Variants in NTN1 observed in about 807,000 individuals in gnomAD.
The protein encoded by NTN1 is netrin 1.
NTN1 carries 11 observed loss-of-function variants against 54.2 expected under a neutral mutation model. That is an observed-to-expected ratio of 0.20 (90% CI 0.13 to 0.34). NTN1 has a LOEUF of 0.34. Among genes scored for constraint, NTN1 ranks in the 10% least tolerant of loss-of-function variants. The pLI is 1.00. For missense variants in NTN1, 740 were observed against 893.1 expected (o/e 0.83, Z 2.18); for synonymous variants, 371 against 382.0 (o/e 0.97, Z 0.33).
At chr17:9,138,267 G>T (rs1181354565) in intron 2 of NTN1, among the ~76,000 whole-genome samples, 1 of 152,180 alleles carries the variant, frequency 6.6e-6, no homozygotes, top group East Asian at 1.9e-4. Context: ...AAATTTTAGT[G>T]GTGAGATACC....
intron 2 of NTN1, among the ~76,000 whole-genome samples, chr17:9,058,637 C>CAAAAAAAAAAAAAAAAAAAAAA (rs3053457): frequency 2.3e-3 from 136 of 58,902 alleles, no homozygotes; most frequent in Admixed American, 3.5e-3. Flanking sequence ...GGTAGGCACT[C>CAAAAAAAAAAAAAAAAAAAAAA]AAAAAAAAAA....
At chr17:9,045,466 G>A (rs968725376) in intron 2 of NTN1, among the ~76,000 whole-genome samples, 9 of 152,230 alleles carry the variant, frequency 5.9e-5, no homozygotes, top group South Asian at 2.1e-4. Flanking sequence ...CTACAGAAAC[G>A]GGCAGGCGAC....
At chr17:9,150,911 G>A (rs1331725122) in intron 2 of NTN1, among the ~76,000 whole-genome samples, 1 of 152,214 alleles carries the variant, frequency 6.6e-6, no homozygotes, top group East Asian at 1.9e-4. Context: ...ACAGGGCCTG[G>A]GCTGTGCTTT....
chr17:9,075,354 C>T (rs1243189105), intron 2 of NTN1, among the ~76,000 whole-genome samples: 2 of 152,010 alleles, frequency 1.3e-5, no homozygotes, highest in African/African-American at 4.8e-5. Flanking sequence ...TGGCGGTGGG[C>T]ACCTGTAATC....
rs368452328 is a variant in NTN1 at position 9,227,131 on chromosome 17, C to T, written c.1486+5889C>T. The stretch of plus-strand genomic sequence containing the variant: ...CTCCTCCTGTCTGCGCTGCCTCCCA[C>T]GTCTCACACAACCGCTGTGCTCACG... On this transcript the variant is annotated intron_variant, in intron 6 of 6. Transcript: ENST00000173229. 1.2e-4 allele frequency among the ~76,000 whole-genome samples: 18 copies of T among 152,248 alleles called. No individual in the cohort carries two copies. The South Asian group carries it at 3.7e-3, about 32-fold the overall frequency.
intron 2 of NTN1, among the ~76,000 whole-genome samples, chr17:9,050,668 C>CAA (rs11302328): frequency 4.2e-3 from 245 of 58,038 alleles, no homozygotes; most frequent in Middle Eastern, 0.027. Context: ...GACTCCATCT[C>CAA]AAAAAAAAAA....
chr17:9,138,060 A>G (rs2142277234), intron 2 of NTN1, among the ~76,000 whole-genome samples: 1 of 152,310 alleles, frequency 6.6e-6, no homozygotes, highest in African/African-American at 2.4e-5. Context: ...CCATGAGGTG[A>G]GAGCGGGCCT....
At chr17:9,104,950 G>A (rs528969475) in intron 2 of NTN1, among the ~76,000 whole-genome samples, 1 of 152,324 alleles carries the variant, frequency 6.6e-6, no homozygotes, top group African/African-American at 2.4e-5. Flanking sequence ...GTACCAGGCC[G>A]AGGCCCCTGT....
chr17:9,163,668 T>C (rs1047436350), intron 3 of NTN1, among the ~76,000 whole-genome samples: 1 of 152,130 alleles, frequency 6.6e-6, no homozygotes, highest in Non-Finnish European at 1.5e-5. Flanking sequence ...CAAGCACTAA[T>C]GTTTTAACTT....
intron 6 of NTN1, among the ~76,000 whole-genome samples, chr17:9,227,615 A>G (rs1297739419): frequency 1.4e-4 from 3 of 21,998 alleles, no homozygotes; most frequent in African/African-American, 7.0e-4. Flanking sequence ...CACACATCAG[A>G]TACACAGACT....
chr17:9,131,747 A>C (rs943293867), intron 2 of NTN1, among the ~76,000 whole-genome samples: 1 of 151,202 alleles, frequency 6.6e-6, no homozygotes, highest in African/African-American at 2.4e-5. Context: ...CGCCTGGCTA[A>C]TTTTTTGTAT....
intron 2 of NTN1, among the ~76,000 whole-genome samples, chr17:9,081,180 G>A (rs1199544885): frequency 1.3e-5 from 2 of 152,142 alleles, no homozygotes; most frequent in Non-Finnish European, 2.9e-5. Flanking sequence ...TAAATTGGAG[G>A]ACACCCAGCT....
At chr17:9,057,719 T>C (rs2091983736) in intron 2 of NTN1, among the ~76,000 whole-genome samples, 1 of 152,238 alleles carries the variant, frequency 6.6e-6, no homozygotes, top group South Asian at 2.1e-4. Flanking sequence ...CACAATCAGG[T>C]TCCACGTAAG....
At chr17:9,061,283 T>C (rs1426639042) in intron 2 of NTN1, among the ~76,000 whole-genome samples, 1 of 151,428 alleles carries the variant, frequency 6.6e-6, no homozygotes, top group Admixed American at 6.6e-5. Flanking sequence ...GAAAATAGAG[T>C]GAGGAAGGTG....
chr17:9,014,315 T>C, the NTN1 span, among the ~76,000 whole-genome samples: 18 of 152,274 alleles, frequency 1.2e-4, no homozygotes, highest in African/African-American at 3.9e-4. Flanking sequence ...CTCGTACTTC[T>C]AGGGTAAGAG....
chr17:9,062,808 C>T (rs1433571345), intron 2 of NTN1, among the ~76,000 whole-genome samples: 2 of 152,056 alleles, frequency 1.3e-5, no homozygotes, highest in Non-Finnish European at 2.9e-5. Context: ...TGACACCCAG[C>T]GTGTCTGTAG....
At chr17:9,193,092 A>AAG (rs1274316778) in intron 5 of NTN1, among the ~76,000 whole-genome samples, 1 of 138,648 alleles carries the variant, frequency 7.2e-6, no homozygotes, top group East Asian at 2.1e-4. Flanking sequence ...AAAAAAAAAA[A>AAG]AAAGAAAAAG....
chr17:9,115,819 G>C (rs767153327), intron 2 of NTN1, among the ~76,000 whole-genome samples: 4 of 152,252 alleles, frequency 2.6e-5, no homozygotes, highest in Non-Finnish European at 4.4e-5. Flanking sequence ...GCCGTGCGCG[G>C]TGGAGGAGGG....
chr17:9,116,300 C>G (rs1340121417), intron 2 of NTN1, among the ~76,000 whole-genome samples: 3 of 138,856 alleles, frequency 2.2e-5, no homozygotes, highest in Non-Finnish European at 4.5e-5. Context: ...GAGTTTTGAG[C>G]CACCCACCCA....
Sources: allele counts gnomAD v4.1 joint callset (sites outside exome capture counted in the v4.1 genomes callset), GRCh38; gene constraint gnomAD v4.1.1; transcripts MANE v1.5; gene names NCBI Gene and HGNC (gene_info 2026-07-23, HGNC 2026-07-21).